Variants in ATXN7L1 observed in about 807,000 individuals in gnomAD.
ATXN7L1 encodes the protein ataxin-7-like protein 1.
A neutral mutation model predicts 70.8 loss-of-function variants in ATXN7L1; 15 were observed. The ratio of observed to expected loss-of-function variants is 0.21; its 90% confidence interval spans 0.14 to 0.33. The LOEUF (loss-of-function observed/expected upper bound fraction) is 0.33, where lower values mean the gene tolerates loss of function less well. Ranked by LOEUF, ATXN7L1 falls within the 10% of genes least tolerant of loss-of-function variation. The pLI is 1.00. For missense variants in ATXN7L1, 975 were observed against 1,097.1 expected (o/e 0.89, Z 1.57); for synonymous variants, 440 against 445.1 (o/e 0.99, Z 0.14).
chr7:105,809,726 G>C (rs548445357), intron 2 of ATXN7L1, among the ~76,000 whole-genome samples: 1 of 151,534 alleles, frequency 6.6e-6, no homozygotes, highest in South Asian at 2.1e-4. Context: ...AAAGGGAGGT[G>C]AAGTGAGGTG....
At chr7:105,665,037 A>G in intron 4 of ATXN7L1, 29 bp downstream of exon 4, 2 of 1,522,086 alleles carry the variant, frequency 1.3e-6, no homozygotes, top group South Asian at 2.4e-5. Flanking sequence ...GGGGACAGAC[A>G]GCAGCTGGCT....
At position 105,687,652 on chromosome 7, in the gene ATXN7L1, A is replaced by G. The variant is rs116723281; in HGVS notation, c.356-22364T>C. On this transcript the variant is annotated intron_variant, in intron 3 of 11. Coordinates refer to ENST00000419735, the MANE Select transcript of ATXN7L1 (RefSeq NM_020725.2). Reference sequence around the variant, plus strand: ...CCCACCCAGGCTGTTTCATTTTGTTATGACAGCCCTATCATACCAAGACCA... The same window carrying G: ...CCCACCCAGGCTGTTTCATTTTGTTGTGACAGCCCTATCATACCAAGACCA... Among the ~76,000 whole-genome samples, 956 of 152,338 alleles carry G rather than the reference A, an allele frequency of 6.3e-3. 11 individuals are homozygous for G. The highest frequency in any genetic ancestry group is 0.022 in the African/African-American group (929 of 41,580).
chr7:105,649,681 G>T (rs1407451198), intron 4 of ATXN7L1: 2 of 656,738 alleles, frequency 3.0e-6, no homozygotes, highest in Non-Finnish European at 3.8e-6. Flanking sequence ...TATATTCTTT[G>T]ATTATCAACA....
Position 105,639,557 on chromosome 7 carries a change from T to G in ATXN7L1, c.875A>C (p.Asp292Ala). 6.4e-7 allele frequency: 1 copy of G among 1,550,570 alleles called. No homozygotes were observed. The highest frequency in any genetic ancestry group is 8.7e-7 in the Non-Finnish European group (1 of 1,146,266). The change falls in exon 6 of 12, where the codon GAC becomes GCC. Residue 292 changes from aspartate (D) to alanine (A), a missense_variant. By Grantham distance (126) the Asp-to-Ala change is moderately radical. Transcript: ENST00000419735. Reference sequence around the variant, plus strand: ...CAATACTCCACAGTGTTTATTTGGGTCAAATTCTCTCTCTGGTTTAAGAAA... The same window carrying G: ...CAATACTCCACAGTGTTTATTTGGGGCAAATTCTCTCTCTGGTTTAAGAAA... ...PYRRLSEREF[D>A]PNKHCGVLDP... is the part of the protein sequence containing the mutation.
At chr7:105,622,944 C>T (rs548594740) in intron 8 of ATXN7L1, among the ~76,000 whole-genome samples, 3 of 152,292 alleles carry the variant, frequency 2.0e-5, no homozygotes, top group South Asian at 2.1e-4. Context: ...TCCATGACAT[C>T]GTGGAGAAGC....
intron 3 of ATXN7L1, among the ~76,000 whole-genome samples, chr7:105,680,239 A>G (rs1805356320): frequency 6.6e-6 from 1 of 152,202 alleles, no homozygotes. Context: ...CCTACTAGGC[A>G]TTAGAGAGAT....
intron 3 of ATXN7L1, among the ~76,000 whole-genome samples, chr7:105,674,808 G>A (rs1460346076): frequency 6.6e-6 from 1 of 152,116 alleles, no homozygotes; most frequent in African/African-American, 2.4e-5. Flanking sequence ...CAAATTTCTG[G>A]CATCACCACT....
chr7:105,639,184 C>T (rs1186504324), intron 6 of ATXN7L1, among the ~76,000 whole-genome samples: 1 of 152,020 alleles, frequency 6.6e-6, no homozygotes, highest in Admixed American at 6.5e-5. Context: ...CTCCTGCATA[C>T]ATTAAAACGT....
intron 3 of ATXN7L1, among the ~76,000 whole-genome samples, chr7:105,781,751 T>A (rs1252815901): frequency 6.6e-6 from 1 of 152,226 alleles, no homozygotes; most frequent in Non-Finnish European, 1.5e-5. Flanking sequence ...AAACTATTAT[T>A]TCCATTTTAA....
intron 2 of ATXN7L1, among the ~76,000 whole-genome samples, chr7:105,851,795 G>A (rs995159217): frequency 5.3e-5 from 8 of 152,308 alleles, no homozygotes; most frequent in Middle Eastern, 3.4e-3. Context: ...CAGGAGAAAT[G>A]TGCACACACA....
intron 2 of ATXN7L1, among the ~76,000 whole-genome samples, chr7:105,796,261 G>T (rs560797968): frequency 6.6e-6 from 1 of 152,350 alleles, no homozygotes; most frequent in East Asian, 1.9e-4. Context: ...TACTTGGGAG[G>T]CTGAGGCAGG....
chr7:105,628,780 G>T (rs141438031), intron 7 of ATXN7L1, among the ~76,000 whole-genome samples: 4 of 149,600 alleles, frequency 2.7e-5, no homozygotes, highest in Non-Finnish European at 5.9e-5. Flanking sequence ...GCCACAGAGC[G>T]AGACTCCATC....
At chr7:105,833,370 C>T (rs1811911107) in intron 2 of ATXN7L1, among the ~76,000 whole-genome samples, 1 of 152,158 alleles carries the variant, frequency 6.6e-6, no homozygotes, top group Non-Finnish European at 1.5e-5. Flanking sequence ...CCTGTTAACC[C>T]CTGGAGCCCC....
At chr7:105,786,686 A>G (rs551218659) in intron 3 of ATXN7L1, among the ~76,000 whole-genome samples, 1 of 149,512 alleles carries the variant, frequency 6.7e-6, no homozygotes, top group African/African-American at 2.5e-5. Context: ...ACCTGGCTAA[A>G]TTTTTTTTTT....
In ATXN7L1 at chr7:105,644,697, C is replaced by T. The variant is rs542097772; in HGVS notation, c.579-1576G>A. ...ACCTGGTGAAATTAGTGCTGCATTC[C>T]TGATTTTTCCCAAATGATAAAAAGA... On this transcript the variant is annotated intron_variant, in intron 4 of 11. Transcript: ENST00000419735. Among the ~76,000 whole-genome samples the T allele has an allele frequency of 2.2e-4, 33 of 152,300 alleles. 1 individual carries two copies. The South Asian group carries it at 6.8e-3, about 32-fold the overall frequency.
chr7:105,727,865 A>G (rs1405073232), intron 3 of ATXN7L1, among the ~76,000 whole-genome samples: 1 of 148,466 alleles, frequency 6.7e-6, no homozygotes, highest in Admixed American at 6.8e-5. Context: ...ATATATATAT[A>G]TATGCAAGAA....
intron 2 of ATXN7L1, among the ~76,000 whole-genome samples, chr7:105,795,341 T>C (rs1334225963): frequency 6.6e-6 from 1 of 152,256 alleles, no homozygotes; most frequent in African/African-American, 2.4e-5. Flanking sequence ...AGCAAAGTCA[T>C]GTGTTTATAA....
At chr7:105,868,394 G>A (rs981957238) in intron 2 of ATXN7L1, among the ~76,000 whole-genome samples, 1 of 152,168 alleles carries the variant, frequency 6.6e-6, no homozygotes, top group African/African-American at 2.4e-5. Flanking sequence ...GCTCCCTCCA[G>A]GTCAAACACA....
At chr7:105,758,594 C>T (rs1228645776) in intron 3 of ATXN7L1, among the ~76,000 whole-genome samples, 5 of 152,228 alleles carry the variant, frequency 3.3e-5, no homozygotes, top group African/African-American at 1.2e-4. Flanking sequence ...CTGTGGCCCC[C>T]TGCCATGCCA....
Sources: allele counts gnomAD v4.1 joint callset (sites outside exome capture counted in the v4.1 genomes callset), GRCh38; gene constraint gnomAD v4.1.1; transcripts MANE v1.5; gene names NCBI Gene and HGNC (gene_info 2026-07-23, HGNC 2026-07-21).